RYR3: variants seen among roughly 807,000 people sequenced by gnomAD.
RYR3 encodes the protein ryanodine receptor 3.
A neutral mutation model predicts 584.3 loss-of-function variants in RYR3; 207 were observed. The observed-to-expected ratio is 0.35, with a 90% CI of 0.32 to 0.40. The LOEUF (loss-of-function observed/expected upper bound fraction) is 0.40. Ranked by LOEUF, RYR3 falls within the 10% of genes least tolerant of loss-of-function variation. RYR3 has a pLI of 1.00. For synonymous variants in RYR3, 2,416 were observed against 2,248.5 expected (o/e 1.07, Z -2.11); for missense variants, 5,616 against 6,089.2 (o/e 0.92, Z 2.59).
rs367677530 is a variant in RYR3, at chr15:33,762,737, G to T, written c.8705+5141G>T. On this transcript the variant is annotated intron_variant, in intron 60 of 103. Coordinates refer to ENST00000634891, the MANE Select transcript of RYR3 (RefSeq NM_001036.6). ...ATTTTATTCCCATCAAGCTACCATT[G>T]TCTTTCTTCACAGAACTAGAAAAAA... Among the ~76,000 whole-genome samples, 5 of 152,250 alleles carry T rather than the reference G, an allele frequency of 3.3e-5. No individual in the cohort carries two copies. The East Asian group carries it at 9.6e-4, about 29-fold the overall frequency.
intron 1 of RYR3, among the ~76,000 whole-genome samples, chr15:33,387,783 G>A (rs745574262): frequency 1.4e-4 from 21 of 151,910 alleles, no homozygotes; most frequent in Non-Finnish European, 2.4e-4. Flanking sequence ...AGAACAAAAC[G>A]TTTAATGTAT....
At chr15:33,783,338 CT>C (rs2074496534) in intron 65 of RYR3, among the ~76,000 whole-genome samples, 1 of 152,188 alleles carries the variant, frequency 6.6e-6, no homozygotes, top group South Asian at 2.1e-4. Flanking sequence ...AAGATTCCCC[CT>C]AACAGTCTTG....
intron 1 of RYR3, among the ~76,000 whole-genome samples, chr15:33,318,453 ACAT>A (rs1968503941): frequency 6.6e-6 from 1 of 152,236 alleles, no homozygotes; most frequent in African/African-American, 2.4e-5. Context: ...CTGATGATTA[ACAT>A]CATTAACAGC....
At chr15:33,721,801 C>CA (rs1441458604) in intron 43 of RYR3, among the ~76,000 whole-genome samples, 2 of 151,962 alleles carry the variant, frequency 1.3e-5, no homozygotes, top group Non-Finnish European at 2.9e-5. Context: ...AACAAGCTAC[C>CA]AACCCACTTT....
chr15:33,450,440 C>T (rs919740246), intron 1 of RYR3, among the ~76,000 whole-genome samples: 2 of 152,048 alleles, frequency 1.3e-5, no homozygotes, highest in African/African-American at 4.8e-5. Flanking sequence ...GCTTCTGCCG[C>T]CCGCCCTCAT....
intron 1 of RYR3, among the ~76,000 whole-genome samples, chr15:33,400,258 T>C (rs2042562743): frequency 6.6e-6 from 1 of 152,210 alleles, no homozygotes; most frequent in African/African-American, 2.4e-5. Flanking sequence ...ACTACCGTTT[T>C]GGCATAATTA....
chr15:33,657,130 G>A (rs1400320729), intron 32 of RYR3, among the ~76,000 whole-genome samples: 4 of 152,024 alleles, frequency 2.6e-5, no homozygotes, highest in Non-Finnish European at 4.4e-5. Flanking sequence ...TTTAGTGATC[G>A]AAGAGACATT....
chr15:33,426,499 T>C lies in RYR3; in HGVS notation c.52-46920T>C, dbSNP rs149140507. 6.0e-4 allele frequency among the ~76,000 whole-genome samples: 91 copies of C among 152,354 alleles called. 1 individual carries two copies. The East Asian group carries it at 0.014, about 23-fold the overall frequency. ...AATGTTGCTCCTGGAAGTAGTACTT[T>C]CTTATCCTTTTAGTGGTAAGGGTGT... On this transcript the variant is annotated intron_variant, in intron 1 of 103. Coordinates refer to ENST00000634891, the MANE Select transcript of RYR3 (RefSeq NM_001036.6).
At chr15:33,576,644 C>T (rs28847986) in intron 12 of RYR3, among the ~76,000 whole-genome samples, 3 of 152,032 alleles carry the variant, frequency 2.0e-5, no homozygotes, top group Non-Finnish European at 2.9e-5. Context: ...TTATGACAAA[C>T]CCACAGTCAA....
At position 33,540,810 on chromosome 15, in the gene RYR3, G is replaced by A. The variant is rs1214213364; in HGVS notation, c.566G>A (p.Gly189Asp). ...ERYLHLSVSN[G>D]NIQVDASFMQ... Reference sequence around the variant, plus strand: ...CTGCAGCATCTCTCAGTATCAAATGGTAACATACAAGTGGATGCCTCCTTT... The same window carrying A: ...CTGCAGCATCTCTCAGTATCAAATGATAACATACAAGTGGATGCCTCCTTT... The change falls in exon 7 of 104, where the codon GGT becomes GAT. Residue 189 changes from glycine (G) to aspartate (D), a missense_variant. Gly to Asp is a moderately conservative substitution (Grantham distance 94, BLOSUM62 -1). Around this residue, in one of 9 missense-constraint regions of RYR3, gnomAD observed 1,284 missense variants for 1,344.6 expected, o/e 0.95. Transcript: ENST00000634891. 1.2e-6 allele frequency: 2 copies of A among 1,609,926 alleles called. No homozygotes were observed. Among genetic ancestry groups the A allele is most frequent in the Non-Finnish European group, 1.7e-6 (2 of 1,176,400 alleles).
Position 33,662,850 on chromosome 15 carries a change from G to T in RYR3, c.5320G>T (p.Val1774Leu). Residue 1774 changes from valine to leucine, a missense_variant, in exon 35 of 104, where the codon GTG (valine) becomes TTG (leucine). Val to Leu is a conservative substitution (Grantham distance 32, BLOSUM62 1). Transcript: ENST00000634891. ...EGAEKEEVTQ[V>L]EEKAVEAGEK... ...AGCAGAAAAGGAGGAAGTGACCCAG[G>T]TGGAGGAGAAGGCTGTGGAGGCTGG... is the stretch of plus-strand genomic sequence containing the variant. 2 of 1,613,880 alleles carry T rather than the reference G, an allele frequency of 1.2e-6. No homozygotes were observed. Among genetic ancestry groups the T allele is most frequent in the South Asian group, 1.1e-5 (1 of 91,074 alleles).
chr15:33,659,346 G>A lies in RYR3; in HGVS notation c.4309-374G>A, dbSNP rs552252494. The stretch of plus-strand genomic sequence containing the variant: ...GAATGATGGTGCTGCCATGTGCCAC[G>A]TGTCTTTGGGCTCTGTGAAGAGCAA... On this transcript the variant is annotated intron_variant, in intron 32 of 103. Transcript: ENST00000634891. Among the ~76,000 whole-genome samples the A allele has an allele frequency of 9.2e-5, 14 of 152,346 alleles. No individual in the cohort carries two copies. In the East Asian group the frequency reaches 9.6e-4, roughly 10 times the overall value.
intron 65 of RYR3, among the ~76,000 whole-genome samples, chr15:33,782,823 T>C (rs1482236092): frequency 6.6e-6 from 1 of 152,334 alleles, no homozygotes; most frequent in East Asian, 1.9e-4. Context: ...GTGCATTTTC[T>C]TCCTTATCCA....
At chr15:33,597,618 CAA>C (rs3085330) in intron 16 of RYR3, among the ~76,000 whole-genome samples, 4 of 128,256 alleles carry the variant, frequency 3.1e-5, no homozygotes, top group African/African-American at 2.8e-5. Flanking sequence ...GACTCTGTCT[CAA>C]AAAAAAAAAA....
At chr15:33,415,200 G>A (rs1012221496) in intron 1 of RYR3, among the ~76,000 whole-genome samples, 1 of 152,162 alleles carries the variant, frequency 6.6e-6, no homozygotes, top group Non-Finnish European at 1.5e-5. Flanking sequence ...TGGTATTTTA[G>A]ATATATTGGG....
At position 33,853,569 on chromosome 15, in the gene RYR3, T is replaced by C. The variant is rs1295538472; in HGVS notation, c.13686T>C (p.Tyr4562=). Residue 4562 remains tyrosine (Y), a synonymous_variant, in exon 96 of 104, where the codon TAT becomes TAC. Transcript: ENST00000634891. ...KFVKRKVINK[Y]GDLYGAERIA... Reference sequence around the variant, plus strand: ...CTTTGCTTCAGGTGATCAACAAGTATGGAGATCTCTACGGAGCAGAACGCA... The same window carrying C: ...CTTTGCTTCAGGTGATCAACAAGTACGGAGATCTCTACGGAGCAGAACGCA... 15 of 1,613,794 alleles carry C rather than the reference T, an allele frequency of 9.3e-6. No homozygotes were observed. Among genetic ancestry groups the C allele is most frequent in the Non-Finnish European group, 1.3e-5 (15 of 1,179,838 alleles).
chr15:33,572,067 A>C (rs1056984371), intron 12 of RYR3, among the ~76,000 whole-genome samples: 18 of 152,200 alleles, frequency 1.2e-4, no homozygotes, highest in African/African-American at 4.3e-4. Context: ...CTTTGCATTA[A>C]CATTTTTCCA....
intron 67 of RYR3, among the ~76,000 whole-genome samples, chr15:33,789,986 C>CTTGTTTTTTT (rs2075050645): frequency 1.9e-5 from 1 of 53,250 alleles, no homozygotes; most frequent in Non-Finnish European, 3.1e-5. Flanking sequence ...GCCTGGCCTT[C>CTTGTTTTTTT]TTTTTTTTTT....
At chr15:33,383,279 T>G (rs1595915551) in intron 1 of RYR3, among the ~76,000 whole-genome samples, 1 of 147,286 alleles carries the variant, frequency 6.8e-6, no homozygotes, top group East Asian at 2.0e-4. Flanking sequence ...AGCTTTGTAT[T>G]GTTGTGGCAA....
Sources: gnomAD v4.1 joint callset for allele counts (sites outside exome capture counted in the v4.1 genomes callset) on GRCh38, gnomAD v4.1.1 for gene constraint, gnomAD v4.1.1 regional missense constraint, MANE v1.5 for transcripts, NCBI Gene and HGNC (gene_info 2026-07-23, HGNC 2026-07-21) for gene names.